TMOD1: variants seen among roughly 807,000 people sequenced by gnomAD.
TMOD1 encodes the protein tropomodulin 1.
TMOD1 carries 17 observed loss-of-function variants against 40.6 expected under a neutral mutation model. That is an observed-to-expected ratio of 0.42 (90% CI 0.29 to 0.63). TMOD1 has a LOEUF of 0.63. Ranked by LOEUF, TMOD1 falls within the 20% of genes least tolerant of loss-of-function variation. The pLI is 0.22. For synonymous variants in TMOD1, 181 were observed against 175.0 expected (o/e 1.03, Z -0.27); for missense variants, 391 against 447.6 (o/e 0.87, Z 1.14).
chr9:97,503,910 A>G (rs1829545360), intron 1 of TMOD1, among the ~76,000 whole-genome samples: 1 of 152,162 alleles, frequency 6.6e-6, no homozygotes, highest in African/African-American at 2.4e-5. Context: ...CCTTTCTAGC[A>G]TGACCCATCC....
At chr9:97,567,056 C>T (rs534189065) in intron 7 of TMOD1, among the ~76,000 whole-genome samples, 1 of 152,190 alleles carries the variant, frequency 6.6e-6, no homozygotes, top group Admixed American at 6.5e-5. Flanking sequence ...TAGTAGCAAT[C>T]GATTTTTTTC....
At position 97,589,007 on chromosome 9, in the gene TMOD1, CTCA is replaced by C; in HGVS notation, c.871-2283_871-2281del. ...TGGCATGCGCCTGTAATCCCAGCTA[CTCA>C]GGAGGCTGAGGCAGGAGAATTGCTT... On this transcript the variant is annotated intron_variant, in intron 8 of 9. Transcript: ENST00000259365. Among the ~76,000 whole-genome samples, 2 of 150,798 alleles carry C rather than the reference CTCA, an allele frequency of 1.3e-5. 1 individual carries two copies. Among genetic ancestry groups the C allele is most frequent in the Middle Eastern group, 6.8e-3 (2 of 292 alleles).
chr9:97,555,466 G>A (rs1166666179), intron 4 of TMOD1: 12 of 1,430,402 alleles, frequency 8.4e-6, no homozygotes, highest in East Asian at 2.5e-5. Flanking sequence ...TCTGTGCTAC[G>A]TTTCTGTGTG....
intron 4 of TMOD1, among the ~76,000 whole-genome samples, chr9:97,559,772 T>TTA (rs1830590470): frequency 8.1e-5 from 3 of 36,856 alleles, no homozygotes; most frequent in Admixed American, 5.0e-4. Flanking sequence ...CTCAAAAATT[T>TTA]AAAAAAAAAA....
chr9:97,538,024 GTT>G (rs1282970277), intron 2 of TMOD1, among the ~76,000 whole-genome samples: 1 of 152,078 alleles, frequency 6.6e-6, no homozygotes, highest in Non-Finnish European at 1.5e-5. Flanking sequence ...AAATCAAGAG[GTT>G]TCACACAAAA....
chr9:97,531,386 G>A (rs958892259), intron 2 of TMOD1, among the ~76,000 whole-genome samples: 4 of 152,122 alleles, frequency 2.6e-5, no homozygotes, highest in East Asian at 3.9e-4. Flanking sequence ...CAAGGCAGGC[G>A]GATCACTTGA....
chr9:97,576,641 T>C (rs1830944705), intron 8 of TMOD1, among the ~76,000 whole-genome samples: 1 of 151,932 alleles, frequency 6.6e-6, no homozygotes, highest in South Asian at 2.1e-4. Context: ...TTTTTTTTTT[T>C]TTCTTTTTTT....
intron 1 of TMOD1, among the ~76,000 whole-genome samples, chr9:97,520,778 C>G (rs747196972): frequency 6.6e-6 from 1 of 152,162 alleles, no homozygotes; most frequent in Non-Finnish European, 1.5e-5. Flanking sequence ...GATTTGCCCC[C>G]CTCAGGGTGG....
chr9:97,600,827 G>A lies in TMOD1; in HGVS notation c.*1129G>A, dbSNP rs1318071326. 1 of 1,077,030 alleles carries A rather than the reference G, an allele frequency of 9.3e-7. No homozygotes were observed. The highest frequency in any genetic ancestry group is 1.7e-5 in the African/African-American group (1 of 59,344). The allele number at this position is 1,077,030 out of a possible 1,614,324, so 66.7% of individuals were successfully genotyped here. A position where few individuals can be genotyped will look rare whatever the true frequency, so the allele number is the denominator to read the frequency against. On this transcript the variant is annotated 3_prime_UTR_variant, in exon 10 of 10. Coordinates refer to ENST00000259365, the MANE Select transcript of TMOD1 (RefSeq NM_003275.4). ...CTGCCAGATCTCTTTTTAACATCAT[G>A]TGCGTCTCTTGGGATCCAGCAAAAG... is the stretch of plus-strand genomic sequence containing the variant.
At position 97,564,126 on chromosome 9, in the gene TMOD1, C is replaced by A; in HGVS notation, c.576C>A (p.Asn192Lys). ...DVEETLERIK[N>K]NDPKLEEVNL... ...AGGAAACGCTGGAACGGATAAAGAA[C>A]AACGACCCAAAACTTGAAGAAGTTA... is the stretch of plus-strand genomic sequence containing the variant. Residue 192 changes from asparagine to lysine, a missense_variant, in exon 6 of 10, where the codon AAC (asparagine) becomes AAA (lysine). By Grantham distance (94) the Asn-to-Lys change is moderately conservative. Transcript: ENST00000259365. 1 of 1,613,270 alleles carries A rather than the reference C, an allele frequency of 6.2e-7. No individual in the cohort carries two copies. The highest frequency in any genetic ancestry group is 8.5e-7 in the Non-Finnish European group (1 of 1,179,552).
intron 3 of TMOD1, among the ~76,000 whole-genome samples, chr9:97,550,391 G>C (rs1830431248): frequency 6.6e-6 from 1 of 152,146 alleles, no homozygotes; most frequent in Non-Finnish European, 1.5e-5. Context: ...ATATACCTAT[G>C]GGTGGAATTG....
chr9:97,531,201 T>C (rs1830098452), intron 2 of TMOD1, among the ~76,000 whole-genome samples: 1 of 152,174 alleles, frequency 6.6e-6, no homozygotes, highest in Non-Finnish European at 1.5e-5. Flanking sequence ...TTGATCCTCA[T>C]AGGATGAGGT....
intron 2 of TMOD1, among the ~76,000 whole-genome samples, chr9:97,539,081 C>G (rs934278864): frequency 1.3e-5 from 2 of 152,130 alleles, no homozygotes; most frequent in Non-Finnish European, 2.9e-5. Context: ...TCTAATTTTA[C>G]TCTACTTTCT....
rs1826259591 is a variant in TMOD1 at position 97,601,531 on chromosome 9, A to G, written c.*1833A>G. 1 of 989,616 alleles carries G rather than the reference A, an allele frequency of 1.0e-6. No individual in the cohort carries two copies. The highest frequency in any genetic ancestry group is 1.2e-6 in the Non-Finnish European group (1 of 832,442). The allele number at this position is 989,616 out of a possible 1,614,324, so 61.3% of individuals were successfully genotyped here. A position where few individuals can be genotyped will look rare whatever the true frequency, so the allele number is the denominator to read the frequency against. On this transcript the variant is annotated 3_prime_UTR_variant, in exon 10 of 10. Transcript: ENST00000259365. ...ACGAAACCAAACCAACAGAAAATGA[A>G]GAAGGCCACATCTTTAAGGCCACCT...
In TMOD1 at chr9:97,569,001, C is replaced by T; in HGVS notation, c.834C>T (p.Tyr278=). The change falls in exon 8 of 10, where the codon TAC becomes TAT. Residue 278 remains tyrosine, a synonymous_variant. Coordinates refer to ENST00000259365, the MANE Select transcript of TMOD1 (RefSeq NM_003275.4). ...TGCGCCTGGTAGAAGCCCTCCCATA[C>T]AACACTTCTCTGGTGGAAATGAAAA... ...GILRLVEALP[Y]NTSLVEMKID... is the part of the protein sequence containing the mutation. 6.2e-7 allele frequency: 1 copy of T among 1,614,198 alleles called. No individual in the cohort carries two copies. The highest frequency in any genetic ancestry group is 8.5e-7 in the Non-Finnish European group (1 of 1,180,036).
rs202029234 is a variant in TMOD1, at chr9:97,524,194, G to A, written c.6G>A (p.Ser2=). 9.5e-5 allele frequency: 154 copies of A among 1,613,824 alleles called. No homozygotes were observed. The highest frequency in any genetic ancestry group is 3.0e-4 in the Admixed American group (18 of 59,990). ...CACAGACAAGTTCTTCCACGATGTC[G>A]TACAGACGAGAACTAGAGAAATACC... M[S]YRRELEKYRD... is the part of the protein sequence containing the mutation. Residue 2 remains serine (S), a synonymous_variant, in exon 2 of 10, where the codon TCG becomes TCA. Coordinates refer to ENST00000259365, the MANE Select transcript of TMOD1 (RefSeq NM_003275.4).
intron 6 of TMOD1, among the ~76,000 whole-genome samples, chr9:97,564,977 C>G (rs886946722): frequency 1.3e-5 from 2 of 152,222 alleles, no homozygotes; most frequent in Non-Finnish European, 2.9e-5. Flanking sequence ...AAACCTGCAC[C>G]CTAGTGTTCA....
intron 2 of TMOD1, among the ~76,000 whole-genome samples, chr9:97,529,574 C>G (rs1297486379): frequency 6.6e-6 from 1 of 151,850 alleles, no homozygotes; most frequent in Non-Finnish European, 1.5e-5. Flanking sequence ...CTATCTCTCT[C>G]TCTGGAAAAA....
intron 8 of TMOD1, among the ~76,000 whole-genome samples, chr9:97,580,266 C>G (rs1825717926): frequency 6.6e-6 from 1 of 152,038 alleles, no homozygotes; most frequent in Admixed American, 6.5e-5. Context: ...TATTATTAAA[C>G]TTTTAAAATT....
Sources: allele counts gnomAD v4.1 joint callset (sites outside exome capture counted in the v4.1 genomes callset), GRCh38; gene constraint gnomAD v4.1.1; transcripts MANE v1.5; gene names NCBI Gene and HGNC (gene_info 2026-07-23, HGNC 2026-07-21).